PWWP3A: variants seen among roughly 807,000 people sequenced by gnomAD.
PWWP3A encodes PWWP domain-containing DNA repair factor 3A.
PWWP3A carries 53 observed loss-of-function variants against 79.0 expected under a neutral mutation model. The ratio of observed to expected loss-of-function variants is 0.67; its 90% CI spans 0.54 to 0.84. The LOEUF (loss-of-function observed/expected upper bound fraction) is 0.84, where lower values mean the gene tolerates loss of function less well. Ranked by LOEUF, PWWP3A falls within the 40% of genes least tolerant of loss-of-function variation. The pLI, the probability that PWWP3A is intolerant of heterozygous loss-of-function variation, is 0.00. For synonymous variants in PWWP3A, 443 were observed against 394.4 expected (o/e 1.12, Z -1.46); for missense variants, 973 against 948.0 (o/e 1.03, Z -0.35).
intron 7 of PWWP3A, among the ~76,000 whole-genome samples, chr19:1,366,024 C>T (rs554963661): frequency 9.2e-5 from 14 of 152,332 alleles, no homozygotes; most frequent in East Asian, 1.9e-4. Flanking sequence ...AATCTCAGGA[C>T]GCTTATTTAA....
intron 13 of PWWP3A, 39 bp downstream of exon 13, chr19:1,373,199 T>C: frequency 6.3e-7 from 1 of 1,576,388 alleles, no homozygotes; most frequent in South Asian, 1.1e-5. Context: ...CACTTGCGTC[T>C]CTGCCTTGCA....
Position 1,360,509 on chromosome 19 carries a change from T to C in PWWP3A, c.588T>C (p.Gly196=). The C allele has an allele frequency of 6.2e-7, 1 of 1,613,926 alleles. No homozygotes were observed. Among genetic ancestry groups the C allele is most frequent in the Non-Finnish European group, 8.5e-7 (1 of 1,179,986 alleles). The change falls in exon 5 of 14, where the codon GGT becomes GGC. Residue 196 remains glycine (G), a synonymous_variant. Transcript: ENST00000591337. This position sits in a 1 kb window ranked among gnomAD's most constrained non-coding sequence, Gnocchi z 4.4. ...PRGPLVLPAG[G]GAQDESGSRI... Reference sequence around the variant, plus strand: ...GCCCGTTGGTCCTCCCAGCTGGAGGTGGTGCCCAAGATGAGAGTGGGTCCA... The same window carrying C: ...GCCCGTTGGTCCTCCCAGCTGGAGGCGGTGCCCAAGATGAGAGTGGGTCCA...
chr19:1,373,025 C>G, intron 12 of PWWP3A, 47 bp from the exon 13 acceptor site: 2 of 1,575,954 alleles, frequency 1.3e-6, no homozygotes, highest in Non-Finnish European at 1.7e-6. Context: ...CCACTTGGGG[C>G]CAGTTGGGCA....
rs1261423209 is a variant in PWWP3A, at chr19:1,370,752, C to A, written c.1660C>A (p.Gln554Lys). Residue 554 changes from glutamine to lysine, a missense_variant, in exon 12 of 14, where the codon CAG (glutamine) becomes AAG (lysine). Physicochemically the swap from Gln to Lys is moderately conservative, Grantham distance 53 (BLOSUM62 1). Transcript: ENST00000591337. ...GGTGGGGTGCCCCCTGGGGCAGAGG[C>A]AGCCCTGCCGGAAAATGCTCCCCGA... ...PVVGCPLGQR[Q>K]PCRKMLPDRS... The A allele has an allele frequency of 2.7e-6, 4 of 1,501,570 alleles. No individual in the cohort carries two copies. In the Admixed American group the frequency reaches 8.6e-5, roughly 32 times the overall value. The allele number at this position is 1,501,570 out of a possible 1,614,324, so 93.0% of individuals were successfully genotyped here. A position where few individuals can be genotyped will look rare whatever the true frequency, so the allele number is the denominator to read the frequency against.
chr19:1,366,278 G>A (rs148789006), intron 7 of PWWP3A, 27 bp from the exon 8 acceptor site: 130 of 1,609,362 alleles, frequency 8.1e-5, no homozygotes, highest in East Asian at 7.8e-4. Flanking sequence ...TTGTTTTGAC[G>A]TTTTATTTTC....
chr19:1,368,987 GCCCAC>G lies in PWWP3A; in HGVS notation c.1423-276_1423-272del. ...CAGCCCAAGCCATCGGGTCCCCGGTGCCCACCTGCGTTCAGATCAGCCCAAGCCAT... is the reference window on the plus strand; with the variant it reads ...CAGCCCAAGCCATCGGGTCCCCGGTGCTGCGTTCAGATCAGCCCAAGCCAT... On this transcript the variant is annotated intron_variant, in intron 9 of 13. Transcript: ENST00000591337. The surrounding 1 kb of genome is among the most constrained non-coding windows in gnomAD (Gnocchi z 4.7). 1 of 366,432 alleles carries G rather than the reference GCCCAC, an allele frequency of 2.7e-6. No homozygotes were observed. The highest frequency in any genetic ancestry group is 5.2e-6 in the Non-Finnish European group (1 of 194,072). 22.7% of individuals were successfully genotyped at this position (366,432 alleles called of 1,614,324 possible). A position where few individuals can be genotyped will look rare whatever the true frequency, so the allele number is the denominator to read the frequency against.
chr19:1,358,151 T>C, intron 3 of PWWP3A: 1 of 480,234 alleles, frequency 2.1e-6, no homozygotes, highest in Non-Finnish European at 3.7e-6. Context: ...GAATTCATTT[T>C]TGCTTTTAAA....
intron 13 of PWWP3A, among the ~76,000 whole-genome samples, chr19:1,375,603 T>TATAA (rs1167447344): frequency 2.1e-5 from 1 of 47,628 alleles, no homozygotes; most frequent in South Asian, 8.0e-4. Flanking sequence ...TTATATATTA[T>TATAA]AATATATACA....
At chr19:1,370,603 G>A in intron 11 of PWWP3A, 39 bp from the exon 12 acceptor site, 2 of 1,437,368 alleles carry the variant, frequency 1.4e-6, no homozygotes, top group Admixed American at 3.0e-5. Flanking sequence ...GAGGAAGGCA[G>A]CCCACGCGCT....
chr19:1,360,011 C>T lies in PWWP3A; in HGVS notation c.215-125C>T. ...ATGTAGGTGAGAAATGTTAGTCCTC[C>T]CCTTCAGTGATTTAGGTATGAAACT... On this transcript the variant is annotated intron_variant, in intron 4 of 13. Coordinates refer to ENST00000591337, the MANE Select transcript of PWWP3A (RefSeq NM_001369789.1). This position sits in a 1 kb window ranked among gnomAD's most constrained non-coding sequence, Gnocchi z 4.4. The T allele has an allele frequency of 3.3e-6, 3 of 911,414 alleles. No homozygotes were observed. The highest frequency in any genetic ancestry group is 4.6e-6 in the Non-Finnish European group (3 of 650,138). 56.5% of individuals were successfully genotyped at this position (911,414 alleles called of 1,614,324 possible). A position where few individuals can be genotyped will look rare whatever the true frequency, so the allele number is the denominator to read the frequency against.
chr19:1,370,592 C>G, intron 11 of PWWP3A, 50 bp from the exon 12 acceptor site: 1 of 1,426,512 alleles, frequency 7.0e-7, no homozygotes. Flanking sequence ...CACAGCCACC[C>G]GAGGAAGGCA....
At chr19:1,375,649 A>C (rs2082368418) in intron 13 of PWWP3A, among the ~76,000 whole-genome samples, 1 of 16,948 alleles carries the variant, frequency 5.9e-5, no homozygotes, top group South Asian at 2.7e-3. Flanking sequence ...ATAATATATA[A>C]TTGTATATAT....
chr19:1,358,354 C>T (rs774300679), intron 3 of PWWP3A, 40 bp from the exon 4 acceptor site: 38 of 1,531,536 alleles, frequency 2.5e-5, no homozygotes, highest in South Asian at 1.5e-4. Context: ...GTCTTGGCGG[C>T]GTTGGCTGGT....
chr19:1,361,759 C>T lies in PWWP3A; in HGVS notation c.1112-491C>T, dbSNP rs143278209. 64 of 159,084 alleles carry T rather than the reference C, an allele frequency of 4.0e-4. 1 individual carries two copies. The East Asian group carries it at 0.01, about 26-fold the overall frequency. 9.9% of individuals were successfully genotyped at this position (159,084 alleles called of 1,614,324 possible). ...CACCCCTACCCTGTTCCATAGTCAG[C>T]TCCCGTCCCGGCCCCCTCCCTGCGT... On this transcript the variant is annotated intron_variant, in intron 5 of 13. Transcript: ENST00000591337.
chr19:1,369,176 T>A lies in PWWP3A; in HGVS notation c.1423-89T>A. On this transcript the variant is annotated intron_variant, in intron 9 of 13. Transcript: ENST00000591337. This position sits in a 1 kb window ranked among gnomAD's most constrained non-coding sequence, Gnocchi z 4.0. ...CTGGAGCGTGAGCAGCCTGGACACC[T>A]GGCTGGTCCCTGGGCTCTGCGTGGC... 1 of 1,235,460 alleles carries A rather than the reference T, an allele frequency of 8.1e-7. No homozygotes were observed. Among genetic ancestry groups the A allele is most frequent in the South Asian group, 1.3e-5 (1 of 79,692 alleles). The allele number at this position is 1,235,460 out of a possible 1,614,324, so 76.5% of individuals were successfully genotyped here.
chr19:1,355,568 G>GC (rs999259741), intron 1 of PWWP3A, among the ~76,000 whole-genome samples: 6 of 131,910 alleles, frequency 4.5e-5, no homozygotes, highest in East Asian at 2.2e-4. Context: ...TGCTCCCTGA[G>GC]CCCCCCCGCT....
intron 6 of PWWP3A, 198 bp from the exon 7 acceptor site, chr19:1,364,311 T>G: frequency 1.5e-6 from 1 of 682,270 alleles, no homozygotes; most frequent in Non-Finnish European, 2.7e-6. Context: ...TGTCTCATCA[T>G]TGGTGGTTAG....
intron 13 of PWWP3A, among the ~76,000 whole-genome samples, chr19:1,376,292 T>TTTG (rs1393946060): frequency 1.3e-5 from 1 of 78,020 alleles, no homozygotes; most frequent in African/African-American, 7.2e-5. Context: ...CGCCCGGCTG[T>TTTG]TTGTTTTTTT....
Position 1,369,673 on chromosome 19 carries a change from A to T in PWWP3A, c.1549+27A>T, listed in dbSNP as rs751405973. The T allele has an allele frequency of 6.2e-7, 1 of 1,613,486 alleles. No homozygotes were observed. Among genetic ancestry groups the T allele is most frequent in the Non-Finnish European group, 8.5e-7 (1 of 1,179,376 alleles). ...TAAGTCTACAGGCACATCTTGGAAA[A>T]TGTGGTTTGCCTTTTAGCCCTTTAG... On this transcript the variant is annotated intron_variant, in intron 11 of 13. Coordinates refer to ENST00000591337, the MANE Select transcript of PWWP3A (RefSeq NM_001369789.1). This position sits in a 1 kb window ranked among gnomAD's most constrained non-coding sequence, Gnocchi z 4.0.
Sources: allele counts gnomAD v4.1 joint callset (sites outside exome capture counted in the v4.1 genomes callset), GRCh38; gene constraint gnomAD v4.1.1; non-coding constraint Gnocchi (gnomAD v3.1); transcripts MANE v1.5; gene names NCBI Gene and HGNC (gene_info 2026-07-23, HGNC 2026-07-21).